The following PRUNE2 variants were observed in gnomAD, a reference collection of about 807,000 sequenced individuals.
The protein encoded by PRUNE2 is prune homolog 2 with BCH domain.
A neutral mutation model predicts 252.0 loss-of-function variants in PRUNE2; 164 were observed. That is an observed-to-expected ratio of 0.65 (90% confidence interval 0.57 to 0.74). The LOEUF (loss-of-function observed/expected upper bound fraction) is 0.74, where lower values mean the gene tolerates loss of function less well. Ranked by LOEUF, PRUNE2 falls within the 30% of genes least tolerant of loss-of-function variation. PRUNE2 has a pLI of 0.00. For synonymous variants in PRUNE2, 1,292 were observed against 1,350.2 expected (o/e 0.96, Z 0.94); for missense variants, 3,495 against 3,711.0 (o/e 0.94, Z 1.51).
chr9:76,814,889 C>T (rs2057585802), intron 6 of PRUNE2, among the ~76,000 whole-genome samples: 1 of 152,186 alleles, frequency 6.6e-6, no homozygotes, highest in Non-Finnish European at 1.5e-5. Flanking sequence ...ACGAGTCAAC[C>T]GTATTTGGGC....
At chr9:76,802,263 TA>T (rs1323721785) in intron 6 of PRUNE2, among the ~76,000 whole-genome samples, 2 of 152,176 alleles carry the variant, frequency 1.3e-5, no homozygotes, top group Non-Finnish European at 2.9e-5. Flanking sequence ...CTTGGCGATT[TA>T]TTTTATATTA....
In PRUNE2 at chr9:76,717,606, C is replaced by G. The variant is rs533251827; in HGVS notation, c.757-3885G>C. Among the ~76,000 whole-genome samples, 3 of 152,196 alleles carry G rather than the reference C, an allele frequency of 2.0e-5. No individual in the cohort carries two copies. In the South Asian group the frequency reaches 6.2e-4, roughly 32 times the overall value. On this transcript the variant is annotated intron_variant, in intron 6 of 18. Transcript: ENST00000376718. ...CACTTAAATTAAAATTATATACGTG[C>G]ATACATATATATCTCCCATTCAATT...
At chr9:76,817,857 A>G (rs3847323) in intron 6 of PRUNE2, 129,680 of 152,024 alleles carry the variant, frequency 0.85, 55,778 homozygotes, top group African/African-American at 0.96. Context: ...ACTCACCATC[A>G]TCAACTTTTA....
At chr9:76,848,742 G>A (rs1286343593) in intron 3 of PRUNE2, among the ~76,000 whole-genome samples, 2 of 152,194 alleles carry the variant, frequency 1.3e-5, no homozygotes, top group Non-Finnish European at 1.5e-5. Flanking sequence ...GTCTTTGATG[G>A]CAGAGAATTT....
chr9:76,642,596 C>T (rs1375409244), intron 12 of PRUNE2, among the ~76,000 whole-genome samples: 1 of 152,098 alleles, frequency 6.6e-6, no homozygotes, highest in Non-Finnish European at 1.5e-5. Flanking sequence ...ATGTCAAGCA[C>T]CAAATAAGAT....
intron 6 of PRUNE2, among the ~76,000 whole-genome samples, chr9:76,814,025 G>C (rs1379728769): frequency 6.6e-6 from 1 of 152,164 alleles, no homozygotes; most frequent in Non-Finnish European, 1.5e-5. Context: ...TGTTGGCCAG[G>C]CTGGTCTCTA....
At position 76,707,833 on chromosome 9, in the gene PRUNE2, G is replaced by T; in HGVS notation, c.4441C>A (p.Pro1481Thr). Residue 1481 changes from proline to threonine, a missense_variant, in exon 8 of 19, where the codon CCA (proline) becomes ACA (threonine). Coordinates refer to ENST00000376718, the MANE Select transcript of PRUNE2 (RefSeq NM_015225.3). ...AGACTTCGGGGAACTCTGTGAGGTG[G>T]CCCTCCACCCACGTTCTCTGGCTCT... ...FLEPENVGGG[P>T]PHRVPRSLDF... 6.2e-7 allele frequency: 1 copy of T among 1,613,494 alleles called. No homozygotes were observed. The highest frequency in any genetic ancestry group is 8.5e-7 in the Non-Finnish European group (1 of 1,179,686).
At chr9:76,765,054 T>C (rs1183932614) in intron 6 of PRUNE2, among the ~76,000 whole-genome samples, 3 of 152,170 alleles carry the variant, frequency 2.0e-5, no homozygotes, top group Non-Finnish European at 4.4e-5. Flanking sequence ...AATGGAGATA[T>C]CAAGCAGGCA....
chr9:76,841,844 TG>T (rs2059408500), intron 4 of PRUNE2, among the ~76,000 whole-genome samples: 1 of 152,044 alleles, frequency 6.6e-6, no homozygotes, highest in African/African-American at 2.4e-5. Flanking sequence ...ACAGAGCACT[TG>T]GGGGAAGGGG....
chr9:76,783,429 T>C (rs1482213224), intron 6 of PRUNE2, among the ~76,000 whole-genome samples: 1 of 151,968 alleles, frequency 6.6e-6, no homozygotes, highest in African/African-American at 2.4e-5. Context: ...GAGCCACTGC[T>C]CCCCAAGAAG....
At chr9:76,882,025 A>G (rs1312878361) in intron 1 of PRUNE2, among the ~76,000 whole-genome samples, 1 of 152,124 alleles carries the variant, frequency 6.6e-6, no homozygotes, top group Non-Finnish European at 1.5e-5. Context: ...ACATTGTACC[A>G]TGTATCAGTA....
chr9:76,618,657 G>A (rs1830731194), intron 18 of PRUNE2, among the ~76,000 whole-genome samples: 1 of 152,190 alleles, frequency 6.6e-6, no homozygotes. Flanking sequence ...TGGCCCTGGA[G>A]CTATACTGCC....
chr9:76,851,538 A>AC (rs1425589788), intron 2 of PRUNE2, among the ~76,000 whole-genome samples: 1 of 139,014 alleles, frequency 7.2e-6, no homozygotes, highest in East Asian at 2.0e-4. Flanking sequence ...ACAGAGCAAG[A>AC]CTCTGTCTCG....
At chr9:76,651,217 G>GA (rs11449835) in intron 11 of PRUNE2, among the ~76,000 whole-genome samples, 115,582 of 150,670 alleles carry the variant, frequency 0.77, 44,474 homozygotes, top group South Asian at 0.86. Flanking sequence ...ATAACTTATG[G>GA]AAAAAAAAAA....
chr9:76,723,210 T>C (rs1761956351), intron 6 of PRUNE2, among the ~76,000 whole-genome samples: 1 of 152,220 alleles, frequency 6.6e-6, no homozygotes, highest in Admixed American at 6.5e-5. Context: ...TGCAGTAGTA[T>C]GTACTTTTGA....
chr9:76,877,058 A>T (rs1309342214), intron 1 of PRUNE2, among the ~76,000 whole-genome samples: 1 of 152,084 alleles, frequency 6.6e-6, no homozygotes, highest in Admixed American at 6.6e-5. Context: ...TCATATCTTC[A>T]TCTCTAAAAT....
intron 1 of PRUNE2, among the ~76,000 whole-genome samples, chr9:76,865,247 C>A (rs772986552): frequency 1.3e-5 from 2 of 152,150 alleles, no homozygotes; most frequent in Non-Finnish European, 2.9e-5. Flanking sequence ...AATCCCAACA[C>A]TGTGAAAGGC....
chr9:76,676,969 A>G (rs892422819), intron 9 of PRUNE2, among the ~76,000 whole-genome samples: 15 of 152,352 alleles, frequency 9.8e-5, no homozygotes, highest in African/African-American at 3.4e-4. Flanking sequence ...ATATTTGTTC[A>G]TCTTCACAAA....
rs188226985 is a variant in PRUNE2, at chr9:76,614,167, C to T, written c.*403G>A. 3.2e-3 allele frequency: 641 copies of T among 203,250 alleles called. 2 individuals carry two copies. The highest frequency in any genetic ancestry group is 9.8e-3 in the Middle Eastern group (5 of 512). 12.6% of individuals were successfully genotyped at this position (203,250 alleles called of 1,614,324 possible). ...CCTGGGGAGAGTTGAGACCTGTGTACTTTAAACCTAATGCAATCACCAAAA... is the reference window on the plus strand; with the variant it reads ...CCTGGGGAGAGTTGAGACCTGTGTATTTTAAACCTAATGCAATCACCAAAA... On this transcript the variant is annotated 3_prime_UTR_variant, in exon 19 of 19. Transcript: ENST00000376718.
Sources: allele counts gnomAD v4.1 joint callset (sites outside exome capture counted in the v4.1 genomes callset), GRCh38; gene constraint gnomAD v4.1.1; transcripts MANE v1.5; gene names NCBI Gene and HGNC (gene_info 2026-07-23, HGNC 2026-07-21).